SCN1A: variants seen among roughly 807,000 people sequenced by gnomAD.
The protein encoded by SCN1A is sodium channel protein type 1 subunit alpha.
Under a neutral mutation model 193.7 loss-of-function variants are expected in SCN1A, and 13 were observed. The ratio of observed to expected loss-of-function variants is 0.07; its 90% CI spans 0.04 to 0.11. The LOEUF (loss-of-function observed/expected upper bound fraction) is 0.11, where lower values mean the gene tolerates loss of function less well. Among genes scored for constraint, SCN1A ranks in the 10% least tolerant of loss-of-function variants. SCN1A has a pLI of 1.00. For missense variants in SCN1A, 1,432 were observed against 2,451.1 expected (o/e 0.58, Z 8.78); for synonymous variants, 781 against 843.6 (o/e 0.93, Z 1.29).
rs1367997904 is a variant in SCN1A at position 166,073,650 on chromosome 2, T to C, written c.-29A>G. On this transcript the variant is annotated 5_prime_UTR_variant, in exon 4 of 29. An upstream start codon of the reference 5' UTR is lost. Coordinates refer to ENST00000674923, the MANE Select transcript of SCN1A (RefSeq NM_001165963.4). ...GTCATCCTGCACATTTTAATTACCA[T>C]TTATTCTGCATATGAAATTCCTAAA... 25 of 1,612,794 alleles carry C rather than the reference T, an allele frequency of 1.6e-5. No homozygotes were observed. The highest frequency in any genetic ancestry group is 2.7e-5 in the African/African-American group (2 of 74,904).
At chr2:166,114,919 GA>G (rs1162438976) in intron 2 of SCN1A, among the ~76,000 whole-genome samples, 1 of 152,054 alleles carries the variant, frequency 6.6e-6, no homozygotes, top group South Asian at 2.1e-4. Flanking sequence ...TTATTGTGGG[GA>G]AAATCACATA....
At chr2:166,004,578 C>T (rs1012657620) in intron 23 of SCN1A, among the ~76,000 whole-genome samples, 4 of 151,526 alleles carry the variant, frequency 2.6e-5, no homozygotes, top group African/African-American at 9.7e-5. Context: ...TAATCTTCCC[C>T]AAGTCCCACT....
intron 2 of SCN1A, among the ~76,000 whole-genome samples, chr2:166,102,165 A>G (rs1031078244): frequency 6.6e-6 from 1 of 152,212 alleles, no homozygotes; most frequent in Non-Finnish European, 1.5e-5. Flanking sequence ...CAAAACCACA[A>G]TGAGATACCA....
chr2:166,058,711 A>G (rs1485306772), intron 4 of SCN1A, 23 bp from the exon 5 acceptor site: 1 of 1,301,548 alleles, frequency 7.7e-7, no homozygotes, highest in Non-Finnish European at 1.1e-6. Context: ...AACACAACAT[A>G]GAAGTATGAA....
At chr2:166,138,924 T>A (rs1430154518) in intron 1 of SCN1A, among the ~76,000 whole-genome samples, 3 of 152,178 alleles carry the variant, frequency 2.0e-5, no homozygotes, top group African/African-American at 7.2e-5. Flanking sequence ...ACCTCTTGCA[T>A]CAACGTGACT....
chr2:166,003,896 C>A (rs1214025198), intron 23 of SCN1A, among the ~76,000 whole-genome samples: 2 of 150,966 alleles, frequency 1.3e-5, no homozygotes, highest in Non-Finnish European at 3.0e-5. Flanking sequence ...AATACATGAG[C>A]CAATTTCTTA....
At chr2:166,140,665 GA>G (rs1434161278) in intron 1 of SCN1A, among the ~76,000 whole-genome samples, 1 of 152,198 alleles carries the variant, frequency 6.6e-6, no homozygotes, top group Non-Finnish European at 1.5e-5. Context: ...TGTTAGAAAT[GA>G]AAAAGCTAGC....
rs1021408487 is a variant in SCN1A, at chr2:165,986,978, A to T, written c.*4267T>A. The T allele has an allele frequency of 1.3e-5, 2 of 152,124 alleles. No individual in the cohort carries two copies. Among genetic ancestry groups the T allele is most frequent in the African/African-American group, 4.8e-5 (2 of 41,450 alleles). The allele number at this position is 152,124 out of a possible 1,614,324, so 9.4% of individuals were successfully genotyped here. On this transcript the variant is annotated 3_prime_UTR_variant, in exon 29 of 29. Coordinates refer to ENST00000674923, the MANE Select transcript of SCN1A (RefSeq NM_001165963.4). ...TACTAATAACTAATAAACAGTCCAT[A>T]TTCAAATTTATTCAACTTTCCCAAT...
At chr2:166,055,310 A>T (rs1405992497) in intron 6 of SCN1A, among the ~76,000 whole-genome samples, 3 of 151,900 alleles carry the variant, frequency 2.0e-5, no homozygotes, top group Admixed American at 2.0e-4. Flanking sequence ...AATTCTTCTG[A>T]TAATTCAGAA....
intron 5 of SCN1A, among the ~76,000 whole-genome samples, chr2:166,058,348 T>C (rs1049232211): frequency 1.5e-4 from 23 of 151,982 alleles, no homozygotes; most frequent in African/African-American, 5.6e-4. Context: ...AGTACATAAA[T>C]ACATGTTTAT....
In SCN1A at chr2:166,043,705, T is replaced by C. The variant is rs993370830; in HGVS notation, c.2007A>G (p.Pro669=). ...VPTSPVGQLL[P]EVIIDKPATD... is the part of the protein sequence containing the mutation. ...TAGCTGGCTTATCTATTATCACCTC[T>C]GGCAGAAGCTGTCCAACAGGCGATG... The change falls in exon 14 of 29, where the codon CCA becomes CCG. Residue 669 remains proline (P), a synonymous_variant. Transcript: ENST00000674923. 3.1e-6 allele frequency: 5 copies of C among 1,614,022 alleles called. No individual in the cohort carries two copies. The African/African-American group carries it at 6.7e-5, about 22-fold the overall frequency.
In SCN1A at chr2:165,992,553, TA is replaced by T; in HGVS notation, c.4853-132del. ...TTATATTAAATATGACAACTATATATAATATATATATAATTGTACATAATAT... is the reference window on the plus strand; with the variant it reads ...TTATATTAAATATGACAACTATATATATATATATATAATTGTACATAATAT... On this transcript the variant is annotated intron_variant, in intron 28 of 28. Transcript: ENST00000674923. This position sits in a 1 kb window ranked among gnomAD's most constrained non-coding sequence, Gnocchi z 6.5. 19 of 607,700 alleles carry T rather than the reference TA, an allele frequency of 3.1e-5. No homozygotes were observed. Among genetic ancestry groups the T allele is most frequent in the Non-Finnish European group, 4.6e-5 (17 of 369,754 alleles). The allele number at this position is 607,700 out of a possible 1,614,324, so 37.6% of individuals were successfully genotyped here.
chr2:166,054,661 G>C lies in SCN1A; in HGVS notation c.579C>G (p.Leu193=). The change falls in exon 7 of 29, where the codon CTC becomes CTG. Residue 193 remains leucine (L), a synonymous_variant. Transcript: ENST00000674923. Reference sequence around the variant, plus strand: ...ACGCAAATGTAATGACAGTGAAATCGAGCCAGTTCCATGGATCCCGAAGGA... The same window carrying C: ...ACGCAAATGTAATGACAGTGAAATCCAGCCAGTTCCATGGATCCCGAAGGA... The part of the protein sequence containing the change: ...FTFLRDPWNW[L]DFTVITFAYV... 1 of 1,612,202 alleles carries C rather than the reference G, an allele frequency of 6.2e-7. No individual in the cohort carries two copies. The highest frequency in any genetic ancestry group is 8.5e-7 in the Non-Finnish European group (1 of 1,178,778).
intron 1 of SCN1A, among the ~76,000 whole-genome samples, chr2:166,143,597 A>C (rs1256514062): frequency 6.6e-6 from 1 of 152,168 alleles, no homozygotes; most frequent in African/African-American, 2.4e-5. Flanking sequence ...GCATCTCCAA[A>C]ATGGCGCTAT....
At chr2:166,008,886 A>G (rs1014204350) in intron 23 of SCN1A, among the ~76,000 whole-genome samples, 6 of 150,928 alleles carry the variant, frequency 4.0e-5, no homozygotes, top group African/African-American at 1.5e-4. Flanking sequence ...TATATTATAT[A>G]TCTATAAACT....
chr2:166,016,082 G>T, intron 19 of SCN1A: 1 of 268,690 alleles, frequency 3.7e-6, no homozygotes, highest in Non-Finnish European at 7.2e-6. Context: ...GAAAGAGAAA[G>T]CTTACCTTAG....
At chr2:166,145,438 G>T (rs1377883772) in intron 1 of SCN1A, among the ~76,000 whole-genome samples, 3 of 151,844 alleles carry the variant, frequency 2.0e-5, no homozygotes, top group South Asian at 2.1e-4. Context: ...CTTATATTAG[G>T]TTCCTTAATC....
Position 165,994,274 on chromosome 2 carries a change from C to T in SCN1A, c.4724G>A (p.Arg1575His), listed in dbSNP as rs368834365. Residue 1575 changes from arginine to histidine, a missense_variant, in exon 28 of 29, where the codon CGC (arginine) becomes CAC (histidine). By Grantham distance (29) the Arg-to-His change is conservative (BLOSUM62 0). Around this residue, in one of 18 missense-constraint regions of SCN1A, gnomAD observed 85 missense variants for 119.1 expected, o/e 0.71. Transcript: ENST00000674923. ...QSEYVTTILS[R>H]INLVFIVLFT... is the part of the protein sequence containing the mutation. ...TAGCACAATGAACACCAGATTGATG[C>T]GTGACAAAATGGTAGTCACATATTC... The T allele has an allele frequency of 5.5e-5, 89 of 1,612,988 alleles. No homozygotes were observed. In the Admixed American group the frequency reaches 9.7e-4, roughly 18 times the overall value.
At chr2:166,010,841 ATAT>A (rs770821283) in intron 22 of SCN1A, among the ~76,000 whole-genome samples, 82 of 151,268 alleles carry the variant, frequency 5.4e-4, no homozygotes, top group Non-Finnish European at 8.0e-4. Flanking sequence ...GAAAATAAAG[ATAT>A]TATTGTTACA....
Sources: gnomAD v4.1 joint callset for allele counts (sites outside exome capture counted in the v4.1 genomes callset) on GRCh38, gnomAD v4.1.1 for gene constraint, gnomAD v4.1.1 regional missense constraint, Gnocchi (gnomAD v3.1) non-coding constraint, MANE v1.5 for transcripts, NCBI Gene and HGNC (gene_info 2026-07-23, HGNC 2026-07-21) for gene names.